Variants in SLCO6A1 observed in about 807,000 individuals in gnomAD.
SLCO6A1 encodes solute carrier organic anion transporter family member 6A1, also known as cancer/testis antigen 48.
Under a neutral mutation model 72.7 loss-of-function variants are expected in SLCO6A1, and 65 were observed. The ratio of observed to expected loss-of-function variants is 0.89; its 90% CI spans 0.73 to 1.10. SLCO6A1 has a LOEUF of 1.10. Among genes scored for constraint, SLCO6A1 ranks in the 50% least tolerant of loss-of-function variants. SLCO6A1 has a pLI of 0.00. For synonymous variants in SLCO6A1, 314 were observed against 298.2 expected (o/e 1.05, Z -0.55); for missense variants, 874 against 872.6 (o/e 1.00, Z -0.02).
At chr5:102,423,452 G>GA (rs879289757) in intron 7 of SLCO6A1, among the ~76,000 whole-genome samples, 1 of 150,254 alleles carries the variant, frequency 6.7e-6, no homozygotes, top group Admixed American at 6.6e-5. Flanking sequence ...ATGGAAAGAA[G>GA]AAAAAAAAGC....
At chr5:102,464,643 A>G (rs771267269) in intron 4 of SLCO6A1, among the ~76,000 whole-genome samples, 1 of 152,234 alleles carries the variant, frequency 6.6e-6, no homozygotes, top group African/African-American at 2.4e-5. Context: ...AAGAGGAGAC[A>G]GAAGTTAAGT....
intron 8 of SLCO6A1, among the ~76,000 whole-genome samples, chr5:102,415,663 T>C (rs1001146504): frequency 6.6e-6 from 1 of 152,074 alleles, no homozygotes; most frequent in Non-Finnish European, 1.5e-5. Flanking sequence ...GAATTCGTGA[T>C]TGATACCTCA....
At chr5:102,458,339 G>A (rs1190913675) in intron 6 of SLCO6A1, 43 bp downstream of exon 6, 4 of 1,407,874 alleles carry the variant, frequency 2.8e-6, no homozygotes, top group Admixed American at 1.9e-5. Flanking sequence ...AAATTAAACA[G>A]GTCAACTTAG....
At chr5:102,422,267 A>C (rs923306276) in intron 7 of SLCO6A1, among the ~76,000 whole-genome samples, 6 of 152,240 alleles carry the variant, frequency 3.9e-5, no homozygotes, top group Non-Finnish European at 4.4e-5. Flanking sequence ...ATGGACAAAA[A>C]ATGAGTTTCA....
intron 4 of SLCO6A1, among the ~76,000 whole-genome samples, chr5:102,466,343 A>G (rs941724584): frequency 6.6e-6 from 1 of 152,034 alleles, no homozygotes. Flanking sequence ...ATATCCCTCC[A>G]AAGGACATGA....
intron 6 of SLCO6A1, among the ~76,000 whole-genome samples, chr5:102,457,152 G>C (rs1368107183): frequency 6.6e-6 from 1 of 152,140 alleles, no homozygotes; most frequent in Non-Finnish European, 1.5e-5. Context: ...AAAAACCCTA[G>C]AAGAAAACCT....
rs182130560 is a variant in SLCO6A1 at position 102,397,163 on chromosome 5, G to C, written c.1814+2392C>G. On this transcript the variant is annotated intron_variant, in intron 10 of 13. Coordinates refer to ENST00000506729, the MANE Select transcript of SLCO6A1 (RefSeq NM_173488.5). ...TATCTGATACATGGTAACTTTTTTT[G>C]GTGAGTTTTCATTGTCTATAGTAAT... 5.0e-3 allele frequency among the ~76,000 whole-genome samples: 752 copies of C among 151,888 alleles called. 3 individuals carry two copies. The highest frequency in any genetic ancestry group is 7.9e-3 in the Non-Finnish European group (540 of 67,938).
chr5:102,378,791 T>G (rs1311934860), intron 12 of SLCO6A1, among the ~76,000 whole-genome samples: 1 of 150,494 alleles, frequency 6.6e-6, no homozygotes, highest in Non-Finnish European at 1.5e-5. Flanking sequence ...TTGTTTGTGG[T>G]TTTTTTTGAG....
chr5:102,451,467 TA>T, intron 6 of SLCO6A1, among the ~76,000 whole-genome samples: 1 of 152,140 alleles, frequency 6.6e-6, no homozygotes, highest in Admixed American at 6.5e-5. Flanking sequence ...GCTGCTAGCA[TA>T]GGGGTGTTCA....
chr5:102,433,568 T>A (rs528681195), intron 7 of SLCO6A1, among the ~76,000 whole-genome samples: 1 of 152,318 alleles, frequency 6.6e-6, no homozygotes, highest in South Asian at 2.1e-4. Context: ...GTGGCCTAAC[T>A]CCTGGGGACC....
In SLCO6A1 at chr5:102,495,213, T is replaced by C. The variant is rs1023236075; in HGVS notation, c.358+3274A>G. ...TAAGACTCTAATGACAGAAAGTAGG[T>C]CAAGGTCACCTAAGGTAGGAGGTAG... On this transcript the variant is annotated intron_variant, in intron 1 of 13. Transcript: ENST00000506729. Among the ~76,000 whole-genome samples the C allele has an allele frequency of 3.9e-5, 6 of 152,142 alleles. No individual in the cohort carries two copies. In the East Asian group the frequency reaches 1.2e-3, roughly 29 times the overall value.
chr5:102,476,311 T>C (rs998691661), intron 3 of SLCO6A1, among the ~76,000 whole-genome samples: 5 of 152,074 alleles, frequency 3.3e-5, no homozygotes, highest in Non-Finnish European at 7.4e-5. Flanking sequence ...AAAATACAAT[T>C]ATGAGGCCTA....
intron 6 of SLCO6A1, among the ~76,000 whole-genome samples, chr5:102,448,007 T>C (rs1194882300): frequency 3.3e-5 from 5 of 152,236 alleles, no homozygotes; most frequent in African/African-American, 1.2e-4. Flanking sequence ...TGTGAGTGTT[T>C]AGCACTATAA....
chr5:102,420,905 C>T (rs1000655709), intron 7 of SLCO6A1, among the ~76,000 whole-genome samples: 4 of 152,074 alleles, frequency 2.6e-5, no homozygotes, highest in Non-Finnish European at 5.9e-5. Flanking sequence ...TCGGCATTTC[C>T]AACTGAGGTA....
In SLCO6A1 at chr5:102,389,324, G is replaced by A. The variant is rs564580083; in HGVS notation, c.1880-499C>T. On this transcript the variant is annotated intron_variant, in intron 11 of 13. Transcript: ENST00000506729. ...GTTTATAGTAGCCCCAGATTCAGAT[G>A]ACCTCAGATCCAGAGGACCAGCTGT... is the stretch of plus-strand genomic sequence containing the variant. Among the ~76,000 whole-genome samples, 20 of 152,046 alleles carry A rather than the reference G, an allele frequency of 1.3e-4. No homozygotes were observed. In the South Asian group the frequency reaches 4.2e-3, roughly 32 times the overall value.
chr5:102,435,861 G>A (rs1287634657), intron 7 of SLCO6A1, among the ~76,000 whole-genome samples: 1 of 149,772 alleles, frequency 6.7e-6, no homozygotes, highest in Non-Finnish European at 1.5e-5. Flanking sequence ...GGCAACAAGA[G>A]TGAAACTCCA....
At chr5:102,451,781 C>T (rs866769867) in intron 6 of SLCO6A1, among the ~76,000 whole-genome samples, 10 of 152,188 alleles carry the variant, frequency 6.6e-5, no homozygotes, top group Non-Finnish European at 1.5e-4. Flanking sequence ...AATGTGTCCT[C>T]CTGGACAGGC....
chr5:102,461,421 T>C (rs1247724757), intron 4 of SLCO6A1, among the ~76,000 whole-genome samples: 1 of 152,210 alleles, frequency 6.6e-6, no homozygotes, highest in Non-Finnish European at 1.5e-5. Context: ...CCTGAGAGTA[T>C]AAAATTTAGA....
intron 4 of SLCO6A1, among the ~76,000 whole-genome samples, chr5:102,463,743 G>A (rs183209934): frequency 1.8e-4 from 28 of 152,154 alleles, no homozygotes; most frequent in Admixed American, 1.6e-3. Flanking sequence ...AAAATTAGCC[G>A]GGCGTGATGG....
Sources: allele counts gnomAD v4.1 joint callset (sites outside exome capture counted in the v4.1 genomes callset), GRCh38; gene constraint gnomAD v4.1.1; transcripts MANE v1.5; gene names NCBI Gene and HGNC (gene_info 2026-07-23, HGNC 2026-07-21).